Variants in PTDSS1 observed in about 807,000 individuals in gnomAD.
PTDSS1 encodes the protein PSS-1.
Under a neutral mutation model 70.5 loss-of-function variants are expected in PTDSS1, and 45 were observed. The observed-to-expected ratio is 0.64, with a 90% confidence interval of 0.50 to 0.82. The LOEUF is 0.82. Ranked by LOEUF, PTDSS1 falls within the 40% of genes least tolerant of loss-of-function variation. The probability of loss-of-function intolerance (pLI) is 0.00; values close to 1 mark genes in which losing one functional copy is unlikely to be tolerated. For missense variants in PTDSS1, 417 were observed against 586.1 expected (o/e 0.71, Z 2.98); for synonymous variants, 188 against 203.8 (o/e 0.92, Z 0.66).
At chr8:96,283,865 C>T in intron 2 of PTDSS1, 2 of 442,120 alleles carry the variant, frequency 4.5e-6, no homozygotes, top group Non-Finnish European at 4.0e-6. Context: ...CAAGACAAAG[C>T]TTTATAAAAA....
At chr8:96,286,967 G>A in intron 3 of PTDSS1, 55 bp from the exon 4 acceptor site, 3 of 1,603,618 alleles carry the variant, frequency 1.9e-6, no homozygotes, top group Non-Finnish European at 2.6e-6. Flanking sequence ...TGTGTATTGT[G>A]TGTGTCTGAC....
rs1241708340 is a variant in PTDSS1, at chr8:96,333,386, G to A, written c.1313-71G>A. On this transcript the variant is annotated intron_variant, in intron 12 of 12. Coordinates refer to ENST00000517309, the MANE Select transcript of PTDSS1 (RefSeq NM_014754.3). ...GAACCTGTTCCCCGGCAAGCCTAGG[G>A]CGGTCTGGAAAGGGACAGTCACCAA... 1.8e-5 allele frequency: 25 copies of A among 1,367,608 alleles called. No individual in the cohort carries two copies. In the East Asian group the frequency reaches 5.3e-4, roughly 29 times the overall value. 84.7% of individuals were successfully genotyped at this position (1,367,608 alleles called of 1,614,324 possible). A position where few individuals can be genotyped will look rare whatever the true frequency, so the allele number is the denominator to read the frequency against.
chr8:96,309,010 A>G (rs754463861), intron 8 of PTDSS1, among the ~76,000 whole-genome samples: 2 of 152,026 alleles, frequency 1.3e-5, no homozygotes, highest in African/African-American at 2.4e-5. Context: ...CCTGGTTACA[A>G]TCAGCAACCT....
At chr8:96,268,880 C>G (rs937634309) in intron 1 of PTDSS1, among the ~76,000 whole-genome samples, 6 of 152,108 alleles carry the variant, frequency 3.9e-5, no homozygotes, top group African/African-American at 9.7e-5. Flanking sequence ...GAGACTCCCC[C>G]CTCACGTTAC....
intron 4 of PTDSS1, among the ~76,000 whole-genome samples, chr8:96,294,525 A>T (rs549298361): frequency 6.6e-6 from 1 of 152,174 alleles, no homozygotes; most frequent in Admixed American, 6.5e-5. Flanking sequence ...AGTATCCGAT[A>T]TATTTTTGGG....
intron 12 of PTDSS1, among the ~76,000 whole-genome samples, chr8:96,331,387 G>A (rs1811514260): frequency 6.6e-6 from 1 of 152,060 alleles, no homozygotes; most frequent in South Asian, 2.1e-4. Flanking sequence ...AAATTAGCCA[G>A]GTGTGGTGGC....
Position 96,273,332 on chromosome 8 carries a change from A to T in PTDSS1, c.213A>T (p.Arg71Ser), listed in dbSNP as rs1356614934. Residue 71 changes from arginine to serine, a missense_variant, in exon 2 of 13, where the codon AGA becomes AGT. Physicochemically the swap from Arg to Ser is moderately radical, Grantham distance 110. This residue lies in a region of PTDSS1 where 272 missense variants were observed against 429.5 expected (regional missense o/e 0.63). Transcript: ENST00000517309. ...DDSVPEDNIW[R>S]GILSVIFFFL... Reference sequence around the variant, plus strand: ...CTGTTCCAGAAGACAACATCTGGAGAGGCATCCTCTCTGTTATTTTCTTCT... The same window carrying T: ...CTGTTCCAGAAGACAACATCTGGAGTGGCATCCTCTCTGTTATTTTCTTCT... 1 of 1,612,194 alleles carries T rather than the reference A, an allele frequency of 6.2e-7. No homozygotes were observed. The highest frequency in any genetic ancestry group is 1.7e-5 in the Admixed American group (1 of 59,572).
rs1422997267 is a variant in PTDSS1, at chr8:96,333,562, A to C, written c.1418A>C (p.Lys473Thr). The C allele has an allele frequency of 6.2e-7, 1 of 1,604,052 alleles. No individual in the cohort carries two copies. Among genetic ancestry groups the C allele is most frequent in the East Asian group, 2.2e-5 (1 of 44,826 alleles). ...AAAGTCACCAATGGCGTTGGAAAGA[A>C]ATGAAAAACCCTGGTTAATCAAAGA... The part of the protein sequence containing the change: ...KSKVTNGVGK[K>T] Residue 473 changes from lysine (K) to threonine (T), a missense_variant, in exon 13 of 13, where the codon AAA (lysine) becomes ACA (threonine). This residue lies in a region of PTDSS1 where 107 missense variants were observed against 122.3 expected (regional missense o/e 0.88). Transcript: ENST00000517309.
chr8:96,299,369 TC>T (rs968728044), intron 5 of PTDSS1, among the ~76,000 whole-genome samples: 1 of 152,180 alleles, frequency 6.6e-6, no homozygotes, highest in African/African-American at 2.4e-5. Context: ...CCTTTTCCCC[TC>T]CCAGATCCTT....
At position 96,288,319 on chromosome 8, in the gene PTDSS1, C is replaced by T. The variant is rs150151782; in HGVS notation, c.441+1173C>T. Among the ~76,000 whole-genome samples the T allele has an allele frequency of 7.8e-3, 1,184 of 152,108 alleles. 19 individuals are homozygous for T. The highest frequency in any genetic ancestry group is 0.027 in the African/African-American group (1,124 of 41,496). ...GTTCAGAGATTTTTATGGAGACTAT[C>T]GCATAGGCATGATCTTTTTTTTTGA... On this transcript the variant is annotated intron_variant, in intron 4 of 12. Coordinates refer to ENST00000517309, the MANE Select transcript of PTDSS1 (RefSeq NM_014754.3).
chr8:96,284,271 C>G, intron 3 of PTDSS1, 118 bp downstream of exon 3: 1 of 912,626 alleles, frequency 1.1e-6, no homozygotes, highest in Non-Finnish European at 1.7e-6. Flanking sequence ...TAGCTTTTTG[C>G]TTTTTGATGT....
chr8:96,288,597 A>T (rs982615447), intron 4 of PTDSS1, among the ~76,000 whole-genome samples: 3 of 133,584 alleles, frequency 2.2e-5, no homozygotes, highest in East Asian at 2.6e-4. Context: ...GAGTGCTGGG[A>T]TTACAGGCAT....
At chr8:96,273,504 G>T (rs1810596557) in intron 2 of PTDSS1, 114 bp downstream of exon 2, 1 of 794,786 alleles carries the variant, frequency 1.3e-6, no homozygotes. Context: ...TTGTGTAGTG[G>T]TTAGGGGCAC....
chr8:96,305,734 G>A (rs1315256776), intron 7 of PTDSS1, among the ~76,000 whole-genome samples: 1 of 152,010 alleles, frequency 6.6e-6, no homozygotes, highest in East Asian at 1.9e-4. Flanking sequence ...AAGTTGGAGT[G>A]CAATGGCGTG....
chr8:96,320,731 G>A (rs1811362592), intron 10 of PTDSS1, among the ~76,000 whole-genome samples: 1 of 152,096 alleles, frequency 6.6e-6, no homozygotes, highest in Non-Finnish European at 1.5e-5. Flanking sequence ...CATTGCACAT[G>A]GATTTATATA....
At position 96,334,478 on chromosome 8, in the gene PTDSS1, C is replaced by G. The variant is rs1338383911; in HGVS notation, c.*912C>G. On this transcript the variant is annotated 3_prime_UTR_variant, in exon 13 of 13. Transcript: ENST00000517309. Reference sequence around the variant, plus strand: ...TTTCATCTGTGCCATGCTCTAGAACCTTGACCTTGATAGTTCACCACCTCT... The same window carrying G: ...TTTCATCTGTGCCATGCTCTAGAACGTTGACCTTGATAGTTCACCACCTCT... The G allele has an allele frequency of 6.6e-6, 1 of 152,604 alleles. No homozygotes were observed. Among genetic ancestry groups the G allele is most frequent in the Non-Finnish European group, 1.5e-5 (1 of 68,038 alleles). The allele number at this position is 152,604 out of a possible 1,614,324, so 9.5% of individuals were successfully genotyped here.
At chr8:96,306,937 C>T (rs1811132727) in intron 8 of PTDSS1, among the ~76,000 whole-genome samples, 2 of 152,118 alleles carry the variant, frequency 1.3e-5, no homozygotes, top group Non-Finnish European at 2.9e-5. Context: ...GAACTGAAGT[C>T]ATAAATGACA....
At chr8:96,321,580 G>A (rs1486027267) in intron 10 of PTDSS1, among the ~76,000 whole-genome samples, 3 of 152,050 alleles carry the variant, frequency 2.0e-5, no homozygotes, top group Admixed American at 6.6e-5. Context: ...TGATTTTATC[G>A]TATCTTGTAA....
At chr8:96,290,020 C>A (rs1361353860) in intron 4 of PTDSS1, among the ~76,000 whole-genome samples, 1 of 152,042 alleles carries the variant, frequency 6.6e-6, no homozygotes, top group Non-Finnish European at 1.5e-5. Flanking sequence ...CTGTGCAGGG[C>A]TCTTTATATT....
Sources: allele counts gnomAD v4.1 joint callset (sites outside exome capture counted in the v4.1 genomes callset), GRCh38; gene constraint gnomAD v4.1.1; regional missense constraint gnomAD v4.1.1; transcripts MANE v1.5; gene names NCBI Gene and HGNC (gene_info 2026-07-23, HGNC 2026-07-21).